The following MTRR variants were observed in gnomAD, a reference collection of about 807,000 sequenced individuals.
MTRR encodes methionine synthase reductase.
A neutral mutation model predicts 79.2 loss-of-function variants in MTRR; 63 were observed. That is an observed-to-expected ratio of 0.80 (90% CI 0.65 to 0.98). MTRR has a LOEUF of 0.98. Ranked by LOEUF, MTRR falls within the 50% of genes least tolerant of loss-of-function variation. MTRR has a pLI of 0.00. For missense variants in MTRR, 895 were observed against 839.6 expected (o/e 1.07, Z -0.82); for synonymous variants, 355 against 313.3 (o/e 1.13, Z -1.41).
At chr5:7,877,427 G>A (rs1180335572) in intron 4 of MTRR, among the ~76,000 whole-genome samples, 3 of 149,798 alleles carry the variant, frequency 2.0e-5, no homozygotes, top group African/African-American at 7.4e-5. Flanking sequence ...CAAGGACTTG[G>A]CATTAATCCA....
At chr5:7,893,182 G>A in intron 11 of MTRR, 2 of 463,078 alleles carry the variant, frequency 4.3e-6, no homozygotes, top group Admixed American at 7.1e-5. Flanking sequence ...GACCTTTTAT[G>A]TTGATATTCT....
intron 14 of MTRR, among the ~76,000 whole-genome samples, chr5:7,899,167 C>T (rs531576361): frequency 6.0e-4 from 92 of 152,164 alleles, no homozygotes; most frequent in African/African-American, 2.1e-3. Flanking sequence ...AGGCATCTGC[C>T]CCCATGACCC....
At chr5:7,888,628 C>A (rs1579753598) in intron 8 of MTRR, among the ~76,000 whole-genome samples, 1 of 152,158 alleles carries the variant, frequency 6.6e-6, no homozygotes, top group African/African-American at 2.4e-5. Flanking sequence ...TTTGTCCTCC[C>A]TGTTAAGGAA....
At chr5:7,885,672 T>TA (rs774747334) in intron 6 of MTRR, 29 bp from the exon 7 acceptor site, 1 of 1,602,940 alleles carries the variant, frequency 6.2e-7, no homozygotes, top group Non-Finnish European at 8.5e-7. Flanking sequence ...ATAATGTATT[T>TA]TTTTTTTTTC....
chr5:7,883,266 T>G lies in MTRR; in HGVS notation c.892T>G (p.Leu298Val), dbSNP rs758638445. 5.0e-6 allele frequency: 8 copies of G among 1,614,218 alleles called. No homozygotes were observed. Among genetic ancestry groups the G allele is most frequent in the Non-Finnish European group, 6.8e-6 (8 of 1,180,032 alleles). ...DAIKTTLLVE[L>V]DISNTDFSYQ... Reference sequence around the variant, plus strand: ...CATAAAAACCACTCTGCTGGTAGAATTGGACATTTCAGTAAGTTGCAAAAT... The same window carrying G: ...CATAAAAACCACTCTGCTGGTAGAAGTGGACATTTCAGTAAGTTGCAAAAT... Residue 298 changes from leucine to valine, a missense_variant, in exon 6 of 15, where the codon TTG (leucine) becomes GTG (valine). Coordinates refer to ENST00000440940, the MANE Select transcript of MTRR (RefSeq NM_002454.3).
At chr5:7,861,529 G>T in intron 1 of MTRR, 1 of 1,280,142 alleles carries the variant, frequency 7.8e-7, no homozygotes, top group Non-Finnish European at 1.0e-6. Flanking sequence ...AGATACCGCT[G>T]CTTATTAGCC....
rs140944718 is a variant in MTRR, at chr5:7,885,832, A to G, written c.1035A>G (p.Ile345Met). 131 of 1,614,046 alleles carry G rather than the reference A, an allele frequency of 8.1e-5. 3 individuals are homozygous for G. Among genetic ancestry groups the G allele is most frequent in the South Asian group, 5.2e-4 (47 of 91,090 alleles). ...DKREHCVLLKIKADTKKKGAT... is the reference protein window; with the variant it reads ...DKREHCVLLKMKADTKKKGAT... ...GAGAGCACTGCGTCCTTTTGAAAATAAAGGCAGACACAAAGAAGAAAGGTA... is the reference window on the plus strand; with the variant it reads ...GAGAGCACTGCGTCCTTTTGAAAATGAAGGCAGACACAAAGAAGAAAGGTA... Residue 345 changes from isoleucine to methionine, a missense_variant, in exon 7 of 15, where the codon ATA (isoleucine) becomes ATG (methionine). Ile to Met is a conservative substitution (Grantham distance 10). Transcript: ENST00000440940.
At chr5:7,895,089 C>G (rs1194688847) in intron 11 of MTRR, among the ~76,000 whole-genome samples, 2 of 152,148 alleles carry the variant, frequency 1.3e-5, no homozygotes, top group African/African-American at 4.8e-5. Flanking sequence ...TCCTGTCATT[C>G]TTAAATCTTG....
At chr5:7,876,475 G>A (rs1734582561) in intron 4 of MTRR, among the ~76,000 whole-genome samples, 2 of 152,182 alleles carry the variant, frequency 1.3e-5, no homozygotes, top group African/African-American at 2.4e-5. Flanking sequence ...CATTTTCTCT[G>A]TTGATTTATT....
intron 6 of MTRR, among the ~76,000 whole-genome samples, chr5:7,883,557 A>ATATGCTGAGTTGTGTGGTGCTTGGTTATG (rs1307513377): frequency 6.7e-6 from 1 of 149,286 alleles, no homozygotes; most frequent in African/African-American, 2.5e-5. Context: ...GCTTGGTTAC[A>ATATGCTGAGTTGTGTGGTGCTTGGTTATG]TATGCTGAGT....
intron 2 of MTRR, chr5:7,862,143 C>T (rs1341654293): frequency 3.9e-5 from 6 of 152,666 alleles, no homozygotes; most frequent in Admixed American, 1.3e-4. Context: ...TGGTAAACTG[C>T]AGTTCCCTTC....
chr5:7,851,130 G>A (rs1482784832), upstream of MTRR: 4 of 1,198,678 alleles, frequency 3.3e-6, no homozygotes, highest in African/African-American at 3.1e-5. Context: ...TCTAGCCCGC[G>A]TCTGTGTTCG....
intron 1 of MTRR, chr5:7,870,231 C>G (rs1747698382): frequency 4.5e-6 from 1 of 222,922 alleles, no homozygotes; most frequent in South Asian, 1.2e-4. Flanking sequence ...CTTCAGTTAC[C>G]TTTAGTACTA....
chr5:7,851,215 T>C lies in MTRR; in HGVS notation n.21T>C, dbSNP rs1411432803. On this transcript the variant is annotated non_coding_transcript_exon_variant, in exon 1 of 4. Transcript: ENST00000502509. ...TTCCCGCTCCAGGGTGGAGCGACCC[T>C]CCCCTCCTCCCTCCCGGCCCCTCGA... 5.8e-6 allele frequency: 3 copies of C among 515,068 alleles called. No homozygotes were observed. In the East Asian group the frequency reaches 1.1e-4, roughly 18 times the overall value. 31.9% of individuals were successfully genotyped at this position (515,068 alleles called of 1,614,324 possible).
At chr5:7,887,563 G>T (rs1276014049) in intron 8 of MTRR, among the ~76,000 whole-genome samples, 1 of 146,868 alleles carries the variant, frequency 6.8e-6, no homozygotes, top group Non-Finnish European at 1.5e-5. Context: ...TATATATATA[G>T]ATTTATATAT....
At chr5:7,867,735 T>A, upstream of MTRR, 1 of 1,614,222 alleles carries the variant, frequency 6.2e-7, no homozygotes, top group Non-Finnish European at 8.5e-7. Flanking sequence ...CTTATAAAAC[T>A]TAGCACTTCT....
chr5:7,861,361 T>C (rs1387493830), intron 1 of MTRR: 4 of 657,176 alleles, frequency 6.1e-6, no homozygotes, highest in African/African-American at 1.9e-5. Flanking sequence ...GATTTGGCTA[T>C]TACTATGTGC....
chr5:7,858,429 C>G (rs556692474), intron 1 of MTRR, among the ~76,000 whole-genome samples: 13,275 of 152,160 alleles, frequency 0.087, 959 homozygotes, highest in East Asian at 0.21. Context: ...CAGAATCTAC[C>G]GTGCTTATCT....
At chr5:7,869,338 G>A in intron 1 of MTRR, 123 bp downstream of exon 1, 1 of 1,137,458 alleles carries the variant, frequency 8.8e-7, no homozygotes. Flanking sequence ...CACGCCCTTC[G>A]GCCTCCGGGG....
Sources: allele counts gnomAD v4.1 joint callset (sites outside exome capture counted in the v4.1 genomes callset), GRCh38; gene constraint gnomAD v4.1.1; transcripts MANE v1.5; gene names NCBI Gene and HGNC (gene_info 2026-07-23, HGNC 2026-07-21).